Variants in BMERB1 observed in about 807,000 individuals in gnomAD.
BMERB1 encodes bMERB domain-containing protein 1.
BMERB1 carries 12 observed loss-of-function variants against 23.6 expected under a neutral mutation model. The ratio of observed to expected loss-of-function variants is 0.51; its 90% CI spans 0.33 to 0.82. The LOEUF (loss-of-function observed/expected upper bound fraction) is 0.82. Ranked by LOEUF, BMERB1 falls within the 40% of genes least tolerant of loss-of-function variation. BMERB1 has a pLI of 0.03. For synonymous variants in BMERB1, 122 were observed against 96.6 expected (o/e 1.26, Z -1.54); for missense variants, 247 against 255.4 (o/e 0.97, Z 0.22).
At chr16:15,466,720 CTGTG>C (rs35112172) in intron 1 of BMERB1, among the ~76,000 whole-genome samples, 29 of 150,490 alleles carry the variant, frequency 1.9e-4, no homozygotes, top group Non-Finnish European at 3.0e-4. Flanking sequence ...ATGTGTGTGT[CTGTG>C]TGTGTGTGTG....
intron 2 of BMERB1, among the ~76,000 whole-genome samples, chr16:15,549,957 T>G (rs936947632): frequency 1.4e-5 from 2 of 147,552 alleles, no homozygotes; most frequent in African/African-American, 2.5e-5. Flanking sequence ...CAAAAGCACG[T>G]TTTTTTTTTT....
chr16:15,477,718 T>A (rs1227522061), intron 1 of BMERB1, among the ~76,000 whole-genome samples: 2 of 152,036 alleles, frequency 1.3e-5, no homozygotes, highest in African/African-American at 4.8e-5. Flanking sequence ...GAGCGTTTTT[T>A]TTTTTCTGTG....
chr16:15,459,308 C>T (rs557056719), intron 1 of BMERB1, among the ~76,000 whole-genome samples: 2 of 151,266 alleles, frequency 1.3e-5, no homozygotes, highest in Admixed American at 6.6e-5. Context: ...GGATTAAATA[C>T]TCCAATCAAC....
At chr16:15,518,866 A>G (rs111765146) in intron 2 of BMERB1, among the ~76,000 whole-genome samples, 4,912 of 151,856 alleles carry the variant, frequency 0.032, 283 homozygotes, top group African/African-American at 0.11. Context: ...GGGAGGAAAG[A>G]AAAGGAGGAA....
At chr16:15,532,546 T>TTC (rs986187828) in intron 2 of BMERB1, among the ~76,000 whole-genome samples, 1 of 41,440 alleles carries the variant, frequency 2.4e-5, no homozygotes, top group Non-Finnish European at 3.6e-5. Context: ...TTCTTTTTCT[T>TTC]TTTTTTTTTT....
In BMERB1 at chr16:15,586,730, G is replaced by A; in HGVS notation, c.516G>A (p.Glu172=). ...ATCTTGCTGCAGGCTCCCGGGCAGA[G>A]AAGAAAGCAGAGCCCCCACCTAGCA... ...VTKSPASSRA[E]KKAEPPPSKP... is the part of the protein sequence containing the mutation. Residue 172 remains glutamate, a synonymous_variant, in exon 6 of 6, where the codon GAG becomes GAA. Transcript: ENST00000300006. 6.2e-7 allele frequency: 1 copy of A among 1,610,958 alleles called. No homozygotes were observed. Among genetic ancestry groups the A allele is most frequent in the Non-Finnish European group, 8.5e-7 (1 of 1,178,996 alleles).
At chr16:15,505,599 G>A (rs1207838227) in intron 1 of BMERB1, among the ~76,000 whole-genome samples, 1 of 152,136 alleles carries the variant, frequency 6.6e-6, no homozygotes, top group Non-Finnish European at 1.5e-5. Context: ...AGTAAAAAAA[G>A]TCAATGTCGG....
rs148541609 is a variant in BMERB1, at chr16:15,514,980, G to A, written c.107-325G>A. On this transcript the variant is annotated intron_variant, in intron 1 of 5. Transcript: ENST00000300006. Reference sequence around the variant, plus strand: ...ACCTGTAGTCCCAGCTACTCGGGAGGCTGAGGCAGGAGAATGGCGTGAACC... The same window carrying A: ...ACCTGTAGTCCCAGCTACTCGGGAGACTGAGGCAGGAGAATGGCGTGAACC... 3.2e-3 allele frequency among the ~76,000 whole-genome samples: 480 copies of A among 152,266 alleles called. 1 individual carries two copies. Among genetic ancestry groups the A allele is most frequent in the African/African-American group, 0.011 (445 of 41,554 alleles).
chr16:15,577,314 T>G (rs1242398638), intron 3 of BMERB1: 5 of 152,160 alleles, frequency 3.3e-5, no homozygotes, highest in Admixed American at 1.3e-4. Flanking sequence ...TGGGGGTTGC[T>G]TTTCATTAAA....
At chr16:15,574,857 T>G (rs1370430908) in intron 3 of BMERB1, among the ~76,000 whole-genome samples, 2 of 152,060 alleles carry the variant, frequency 1.3e-5, no homozygotes, top group African/African-American at 2.4e-5. Flanking sequence ...GTGGGCAGAT[T>G]GCTTGAGGCC....
At chr16:15,444,123 G>GTTTTTTTTTTT (rs150793082) in intron 1 of BMERB1, among the ~76,000 whole-genome samples, 494 of 35,616 alleles carry the variant, frequency 0.014, 117 homozygotes, top group African/African-American at 0.021. Context: ...CACCAGCTTT[G>GTTTTTTTTTTT]TTTTTTTTTT....
In BMERB1 at chr16:15,434,611, T is replaced by G; in HGVS notation, c.-43T>G. On this transcript the variant is annotated 5_prime_UTR_variant, in exon 1 of 6. An upstream start codon of the reference 5' UTR is lost. Transcript: ENST00000300006. Reference sequence around the variant, plus strand: ...CCCTCCCTGCAGCCCGCAACGGGAATGGAGTAAAGGGAGACCCGTCGACCT... The same window carrying G: ...CCCTCCCTGCAGCCCGCAACGGGAAGGGAGTAAAGGGAGACCCGTCGACCT... The G allele has an allele frequency of 3.9e-6, 6 of 1,548,368 alleles. No individual in the cohort carries two copies. Among genetic ancestry groups the G allele is most frequent in the Non-Finnish European group, 3.6e-6 (4 of 1,120,462 alleles).
At position 15,517,924 on chromosome 16, in the gene BMERB1, G is replaced by T. The variant is rs141791823; in HGVS notation, c.230+2496G>T. On this transcript the variant is annotated intron_variant, in intron 2 of 5. Coordinates refer to ENST00000300006, the MANE Select transcript of BMERB1 (RefSeq NM_033201.3). ...CTGTGTGTGTGTATGTGTGTGTGAGGATGTGTGTGTGCATGTGTGGGTGTG... is the reference window on the plus strand; with the variant it reads ...CTGTGTGTGTGTATGTGTGTGTGAGTATGTGTGTGTGCATGTGTGGGTGTG... Among the ~76,000 whole-genome samples, 664 of 146,330 alleles carry T rather than the reference G, an allele frequency of 4.5e-3. 9 individuals carry two copies. Among genetic ancestry groups the T allele is most frequent in the Middle Eastern group, 0.019 (5 of 270 alleles).
At position 15,444,123 on chromosome 16, in the gene BMERB1, G is replaced by GTTTTTTTTTTTTTTTTTTTTTTTTTTTT. The variant is rs150793082; in HGVS notation, c.106+9391_106+9392insTTTTTTTTTTTTTTTTTTTTTTTTTTTT. 1.7e-3 allele frequency among the ~76,000 whole-genome samples: 62 copies of GTTTTTTTTTTTTTTTTTTTTTTTTTTTT among 35,622 alleles called. 12 individuals carry two copies. Among genetic ancestry groups the GTTTTTTTTTTTTTTTTTTTTTTTTTTTT allele is most frequent in the East Asian group, 3.6e-3 (2 of 556 alleles). The allele number at this position is 35,622 out of a possible 152,430, so 23.4% of individuals were successfully genotyped here. A position where few individuals can be genotyped will look rare whatever the true frequency, so the allele number is the denominator to read the frequency against. On this transcript the variant is annotated intron_variant, in intron 1 of 5. Coordinates refer to ENST00000300006, the MANE Select transcript of BMERB1 (RefSeq NM_033201.3). ...AGGCCAGGGTCCAGGCACCAGCTTT[G>GTTTTTTTTTTTTTTTTTTTTTTTTTTTT]TTTTTTTTTTTTTTTTTTTTTTTTT...
At chr16:15,532,634 C>T (rs1425965154) in intron 2 of BMERB1, among the ~76,000 whole-genome samples, 1 of 149,522 alleles carries the variant, frequency 6.7e-6, no homozygotes, top group African/African-American at 2.5e-5. Context: ...CAAGCTCTGC[C>T]TCCCAGGTTC....
At chr16:15,474,386 A>G (rs222140) in intron 1 of BMERB1, among the ~76,000 whole-genome samples, 47,758 of 151,926 alleles carry the variant, frequency 0.31, 8,623 homozygotes, top group Middle Eastern at 0.46. Context: ...TTATTTTGAG[A>G]CAGGGTCTCA....
At chr16:15,533,224 G>C (rs902014620) in intron 2 of BMERB1, 3 of 232,052 alleles carry the variant, frequency 1.3e-5, no homozygotes, top group African/African-American at 6.9e-5. Flanking sequence ...TGTAGACACT[G>C]GTTTCTTTGT....
At chr16:15,543,250 T>G (rs2052103404) in intron 2 of BMERB1, among the ~76,000 whole-genome samples, 1 of 152,064 alleles carries the variant, frequency 6.6e-6, no homozygotes, top group Non-Finnish European at 1.5e-5. Context: ...TCTTCTCTCC[T>G]TCTCTGCCAC....
intron 2 of BMERB1, among the ~76,000 whole-genome samples, chr16:15,516,791 GAGT>G (rs1468056468): frequency 1.3e-5 from 2 of 152,188 alleles, no homozygotes; most frequent in Non-Finnish European, 2.9e-5. Flanking sequence ...AGTAAATGGG[GAGT>G]TAGGGTTCAG....
Sources: gnomAD v4.1 joint callset for allele counts (sites outside exome capture counted in the v4.1 genomes callset) on GRCh38, gnomAD v4.1.1 for gene constraint, MANE v1.5 for transcripts, NCBI Gene and HGNC (gene_info 2026-07-23, HGNC 2026-07-21) for gene names.